The following CCM2 variants were observed in gnomAD, a reference collection of about 807,000 sequenced individuals.
CCM2 encodes cerebral cavernous malformations 2 protein.
A neutral mutation model predicts 44.9 loss-of-function variants in CCM2; 25 were observed. That is an observed-to-expected ratio of 0.56 (90% confidence interval 0.41 to 0.78). CCM2 has a LOEUF of 0.78. CCM2 is among the 30% of genes least tolerant of loss of function. The pLI, the probability that CCM2 is intolerant of heterozygous loss-of-function variation, is 0.00. For missense variants in CCM2, 481 were observed against 580.6 expected (o/e 0.83, Z 1.76); for synonymous variants, 219 against 241.1 (o/e 0.91, Z 0.85).
At position 45,064,498 on chromosome 7, in the gene CCM2, G is replaced by T; in HGVS notation, c.324G>T (p.Glu108Asp). The change falls in exon 4 of 10, where the codon GAG (glutamate) becomes GAT (aspartate). Residue 108 changes from glutamate (E) to aspartate (D), a missense_variant. Glu to Asp is a conservative substitution (Grantham distance 45). Coordinates refer to ENST00000258781, the MANE Select transcript of CCM2 (RefSeq NM_031443.4). ...AGCTTCCGGGACACTTGACTCAGGAGCACGATGCTGTGCTCAGCCTGTCTG... is the reference window on the plus strand; with the variant it reads ...AGCTTCCGGGACACTTGACTCAGGATCACGATGCTGTGCTCAGCCTGTCTG... ...AHQLPGHLTQ[E>D]HDAVLSLSAY... 6.2e-7 allele frequency: 1 copy of T among 1,613,694 alleles called. No individual in the cohort carries two copies. The highest frequency in any genetic ancestry group is 8.5e-7 in the Non-Finnish European group (1 of 1,179,904).
intron 1 of CCM2, among the ~76,000 whole-genome samples, chr7:45,002,858 C>T (rs774900677): frequency 6.4e-4 from 97 of 152,240 alleles, no homozygotes; most frequent in South Asian, 6.2e-4. Flanking sequence ...AGATGGATCA[C>T]TCATGGGTCC....
At chr7:45,068,368 G>A in intron 4 of CCM2, 75 bp from the exon 5 acceptor site, 1 of 1,594,954 alleles carries the variant, frequency 6.3e-7, no homozygotes, top group Non-Finnish European at 8.6e-7. Context: ...TTCCATGGCG[G>A]CCTCAGCTGT....
intron 1 of CCM2, among the ~76,000 whole-genome samples, chr7:45,019,960 A>G (rs1050861787): frequency 2.6e-5 from 4 of 152,184 alleles, no homozygotes; most frequent in Admixed American, 2.0e-4. Flanking sequence ...TTCAGGGTTC[A>G]GCCAAAGATT....
intron 2 of CCM2, among the ~76,000 whole-genome samples, chr7:45,044,023 A>G (rs1797637001): frequency 6.6e-6 from 1 of 152,076 alleles, no homozygotes; most frequent in Non-Finnish European, 1.5e-5. Context: ...CTCCCTCCAG[A>G]ATTAGTTGTT....
chr7:45,006,909 T>C (rs967485484), intron 1 of CCM2, among the ~76,000 whole-genome samples: 1 of 152,236 alleles, frequency 6.6e-6, no homozygotes, highest in African/African-American at 2.4e-5. Flanking sequence ...AAGTCTATAA[T>C]ACTTAGTCCT....
intron 1 of CCM2, among the ~76,000 whole-genome samples, chr7:45,033,415 C>T (rs940719890): frequency 6.6e-6 from 1 of 152,142 alleles, no homozygotes; most frequent in African/African-American, 2.4e-5. Flanking sequence ...TGGCAAATCT[C>T]CTGTCTCAGA....
At chr7:45,043,687 AT>A (rs1415203006) in intron 2 of CCM2, 1 of 390,132 alleles carries the variant, frequency 2.6e-6, no homozygotes, top group East Asian at 8.7e-5. Flanking sequence ...ATTTAACTTT[AT>A]TTTTTTCTTT....
At chr7:45,000,462 G>GA (rs1284134455) in intron 1 of CCM2, 99 bp downstream of exon 1, 3 of 248,896 alleles carry the variant, frequency 1.2e-5, no homozygotes, top group Non-Finnish European at 2.1e-5. Flanking sequence ...CCCGGGGGGG[G>GA]GGGCAGTGGG....
At chr7:45,027,924 C>T in intron 1 of CCM2, 2 of 977,412 alleles carry the variant, frequency 2.0e-6, no homozygotes, top group African/African-American at 1.6e-5. Flanking sequence ...GTCTCCATGA[C>T]CCCTGCTTTG....
At chr7:45,056,073 T>C (rs1301411688) in intron 2 of CCM2, among the ~76,000 whole-genome samples, 1 of 143,388 alleles carries the variant, frequency 7.0e-6, no homozygotes. Context: ...ATTTGGTTTA[T>C]TCATTTATCT....
chr7:45,043,298 A>G (rs2128733201), intron 2 of CCM2, among the ~76,000 whole-genome samples: 1 of 152,322 alleles, frequency 6.6e-6, no homozygotes, highest in Admixed American at 6.5e-5. Flanking sequence ...TAAGGGCAGT[A>G]TTGCCCTGAT....
intron 2 of CCM2, among the ~76,000 whole-genome samples, chr7:45,046,915 C>T (rs1352669618): frequency 6.6e-6 from 1 of 152,098 alleles, no homozygotes; most frequent in Non-Finnish European, 1.5e-5. Context: ...AAGCAAAAGA[C>T]AGGAGGAGAT....
intron 1 of CCM2, among the ~76,000 whole-genome samples, chr7:45,000,598 G>C (rs946637686): frequency 6.6e-6 from 1 of 152,124 alleles, no homozygotes; most frequent in Non-Finnish European, 1.5e-5. Flanking sequence ...CCCCGACCTC[G>C]GCCCCAGACG....
chr7:45,056,883 A>G (rs1798289579), intron 2 of CCM2, among the ~76,000 whole-genome samples: 1 of 152,224 alleles, frequency 6.6e-6, no homozygotes, highest in Non-Finnish European at 1.5e-5. Context: ...CCAAGAAATC[A>G]TTGATAAATC....
At chr7:45,054,930 A>G (rs1354235461) in intron 2 of CCM2, among the ~76,000 whole-genome samples, 1 of 152,242 alleles carries the variant, frequency 6.6e-6, no homozygotes, top group African/African-American at 2.4e-5. Flanking sequence ...CTATTCAGAT[A>G]TTAGAACAAG....
chr7:45,039,122 C>G (rs1019826388), intron 2 of CCM2, among the ~76,000 whole-genome samples: 1 of 152,068 alleles, frequency 6.6e-6, no homozygotes, highest in South Asian at 2.1e-4. Flanking sequence ...TGGGGCAGTT[C>G]GAATGTCCAT....
intron 1 of CCM2, among the ~76,000 whole-genome samples, chr7:45,017,192 G>T (rs972714163): frequency 2.0e-5 from 3 of 152,224 alleles, no homozygotes; most frequent in African/African-American, 4.8e-5. Flanking sequence ...ACTAAGCGTA[G>T]TATCTGACAG....
chr7:45,015,286 G>C (rs1263396238), intron 1 of CCM2, among the ~76,000 whole-genome samples: 1 of 152,122 alleles, frequency 6.6e-6, no homozygotes, highest in African/African-American at 2.4e-5. Flanking sequence ...TGAGAAATCT[G>C]GTTCCTGTTT....
chr7:45,054,754 C>T (rs1225186492), intron 2 of CCM2, among the ~76,000 whole-genome samples: 1 of 152,212 alleles, frequency 6.6e-6, no homozygotes, highest in Non-Finnish European at 1.5e-5. Flanking sequence ...GTGGTCCTCT[C>T]TCTTGTAGCT....
Sources: allele counts gnomAD v4.1 joint callset (sites outside exome capture counted in the v4.1 genomes callset), GRCh38; gene constraint gnomAD v4.1.1; transcripts MANE v1.5; gene names NCBI Gene and HGNC (gene_info 2026-07-23, HGNC 2026-07-21).